NOX4: variants seen among roughly 807,000 people sequenced by gnomAD.
The protein encoded by NOX4 is NADPH oxidase 4, also known as kidney oxidase-1.
A neutral mutation model predicts 87.6 loss-of-function variants in NOX4; 69 were observed. That is an observed-to-expected ratio of 0.79 (90% CI 0.65 to 0.96). NOX4 has a LOEUF of 0.96. Ranked by LOEUF, NOX4 falls within the 40% of genes least tolerant of loss-of-function variation. The probability of loss-of-function intolerance (pLI) is 0.00; values close to 1 mark genes in which losing one functional copy is unlikely to be tolerated. For missense variants in NOX4, 680 were observed against 681.5 expected (o/e 1.00, Z 0.02); for synonymous variants, 275 against 238.2 (o/e 1.15, Z -1.42).
chr11:89,449,405 C>G, intron 4 of NOX4, 35 bp downstream of exon 4: 1 of 1,452,712 alleles, frequency 6.9e-7, no homozygotes, highest in Non-Finnish European at 9.5e-7. Flanking sequence ...ATGTGTAATT[C>G]TAACAAATTA....
chr11:89,352,879 G>C (rs1937668531), intron 13 of NOX4, among the ~76,000 whole-genome samples: 1 of 152,186 alleles, frequency 6.6e-6, no homozygotes, highest in African/African-American at 2.4e-5. Context: ...GAGCGCAGTG[G>C]CACAATCTCA....
rs370376202 is a variant in NOX4, at chr11:89,391,484, G to T, written c.1074+8533C>A. 1.7e-4 allele frequency among the ~76,000 whole-genome samples: 26 copies of T among 152,200 alleles called. 1 individual carries two copies. In the East Asian group the frequency reaches 4.5e-3, roughly 26 times the overall value. ...AAATTTAATGGGATTGGCGGCATGGGGTGGCTCATGCCTGTAATCCCAGCA... is the reference window on the plus strand; with the variant it reads ...AAATTTAATGGGATTGGCGGCATGGTGTGGCTCATGCCTGTAATCCCAGCA... On this transcript the variant is annotated intron_variant, in intron 11 of 17. Coordinates refer to ENST00000263317, the MANE Select transcript of NOX4 (RefSeq NM_016931.5).
the NOX4 span, among the ~76,000 whole-genome samples, chr11:89,580,528 A>G: frequency 0.26 from 38,926 of 152,142 alleles, 5,747 homozygotes; most frequent in Middle Eastern, 0.38. Flanking sequence ...TTAATAAACT[A>G]AGAATTAAAA....
intron 5 of NOX4, 88 bp downstream of exon 5, chr11:89,444,047 A>G (rs1483514847): frequency 8.4e-6 from 9 of 1,066,214 alleles, no homozygotes; most frequent in Non-Finnish European, 1.3e-5. Flanking sequence ...AGGAGCAGTA[A>G]GGTACAAATT....
the NOX4 span, among the ~76,000 whole-genome samples, chr11:89,514,054 T>C: frequency 6.6e-6 from 1 of 152,062 alleles, no homozygotes; most frequent in African/African-American, 2.4e-5. Flanking sequence ...ACCCAGTATA[T>C]GATATTCTAT....
chr11:89,505,453 G>A, the NOX4 span, among the ~76,000 whole-genome samples: 1 of 151,980 alleles, frequency 6.6e-6, no homozygotes, highest in Non-Finnish European at 1.5e-5. Context: ...ACTTTAATGA[G>A]AGTGTGAGGA....
chr11:89,532,338 C>T, the NOX4 span, among the ~76,000 whole-genome samples: 2 of 152,222 alleles, frequency 1.3e-5, no homozygotes, highest in Non-Finnish European at 2.9e-5. Context: ...GAGCCCACCC[C>T]TTGCAGCAGC....
At chr11:89,406,997 T>C (rs190228106) in intron 8 of NOX4, among the ~76,000 whole-genome samples, 1 of 152,162 alleles carries the variant, frequency 6.6e-6, no homozygotes, top group Admixed American at 6.6e-5. Context: ...GGAAGCCATA[T>C]GCACAAAGGT....
the NOX4 span, among the ~76,000 whole-genome samples, chr11:89,532,496 T>C: frequency 2.0e-5 from 3 of 152,328 alleles, no homozygotes; most frequent in Admixed American, 1.3e-4. Flanking sequence ...TCAAGGCCTG[T>C]ACCTCCATTT....
intron 2 of NOX4, among the ~76,000 whole-genome samples, chr11:89,470,861 C>A (rs922501703): frequency 8.5e-5 from 13 of 152,090 alleles, no homozygotes; most frequent in African/African-American, 2.7e-4. Context: ...GATTAGCTAA[C>A]CCAAGTTGTT....
At chr11:89,513,091 C>T in the NOX4 span, among the ~76,000 whole-genome samples, 5 of 152,104 alleles carry the variant, frequency 3.3e-5, no homozygotes, top group South Asian at 4.1e-4. Context: ...GAGGCTGAGG[C>T]GGGCAGATGA....
At chr11:89,538,891 G>A in the NOX4 span, among the ~76,000 whole-genome samples, 862 of 152,098 alleles carry the variant, frequency 5.7e-3, 8 homozygotes, top group African/African-American at 0.02. Flanking sequence ...ATGGTGTTAT[G>A]AGGTTGGACC....
intron 6 of NOX4, among the ~76,000 whole-genome samples, chr11:89,436,543 A>G (rs996030656): frequency 5.3e-5 from 8 of 152,130 alleles, no homozygotes; most frequent in Non-Finnish European, 8.8e-5. Context: ...CTTTATATTT[A>G]TGCATATTAA....
rs753001334 is a variant in NOX4, at chr11:89,491,190, C to A, written c.57G>T (p.Leu19=). The A allele has an allele frequency of 6.2e-7, 1 of 1,613,744 alleles. No homozygotes were observed. Among genetic ancestry groups the A allele is most frequent in the Non-Finnish European group, 8.5e-7 (1 of 1,179,792 alleles). ...AGGAGAGCCTAGCCCGCCATCCTAC[C>A]AGGCAGAGGTGTTTAACCCCTTCGT... The part of the protein sequence containing the change: ...LANEGVKHLC[L]FIWLSMNVLL... Residue 19 remains leucine, a splice_region_variant and synonymous_variant, in exon 1 of 18, where the codon CTG becomes CTT. Coordinates refer to ENST00000263317, the MANE Select transcript of NOX4 (RefSeq NM_016931.5).
chr11:89,464,544 G>C (rs11018623), intron 2 of NOX4, among the ~76,000 whole-genome samples: 61,807 of 151,848 alleles, frequency 0.41, 12,984 homozygotes, highest in East Asian at 0.52. Context: ...TAATCCATAA[G>C]CTTCACAAGC....
At chr11:89,429,352 CT>C (rs1943644864) in intron 7 of NOX4, among the ~76,000 whole-genome samples, 1 of 151,990 alleles carries the variant, frequency 6.6e-6, no homozygotes, top group Non-Finnish European at 1.5e-5. Flanking sequence ...CAAGAAATAA[CT>C]AAGATCAGAG....
chr11:89,358,703 G>A (rs537093046), intron 12 of NOX4, among the ~76,000 whole-genome samples: 1 of 150,660 alleles, frequency 6.6e-6, no homozygotes, highest in Non-Finnish European at 1.5e-5. Context: ...TTAGCATCCT[G>A]TTGTCTATTT....
intron 17 of NOX4, among the ~76,000 whole-genome samples, chr11:89,327,594 C>T (rs1945273979): frequency 6.6e-6 from 1 of 152,000 alleles, no homozygotes; most frequent in South Asian, 2.1e-4. Context: ...TCAAATTGAC[C>T]TTCTTCCCAA....
intron 12 of NOX4, among the ~76,000 whole-genome samples, chr11:89,360,125 G>A (rs1413371807): frequency 1.3e-5 from 2 of 151,870 alleles, no homozygotes; most frequent in African/African-American, 2.4e-5. Flanking sequence ...CCCCAAAAAG[G>A]GTCAATAAGA....
Sources: allele counts gnomAD v4.1 joint callset (sites outside exome capture counted in the v4.1 genomes callset), GRCh38; gene constraint gnomAD v4.1.1; transcripts MANE v1.5; gene names NCBI Gene and HGNC (gene_info 2026-07-23, HGNC 2026-07-21).